The following DNAH17 variants were observed in gnomAD, a reference collection of about 807,000 sequenced individuals.
DNAH17 encodes dynein axonemal heavy chain 17.
Under a neutral mutation model 485.6 loss-of-function variants are expected in DNAH17, and 376 were observed. The ratio of observed to expected loss-of-function variants is 0.77; its 90% CI spans 0.71 to 0.84. DNAH17 has a LOEUF of 0.84. DNAH17 is among the 40% of genes least tolerant of loss of function. The pLI, the probability that DNAH17 is intolerant of heterozygous loss-of-function variation, is 0.00. For missense variants in DNAH17, 6,370 were observed against 5,839.3 expected (o/e 1.09, Z -2.96); for synonymous variants, 3,031 against 2,405.9 (o/e 1.26, Z -7.60).
chr17:78,577,111 C>T (rs1440415590), intron 1 of DNAH17, among the ~76,000 whole-genome samples, 184 bp downstream of exon 1: 2 of 152,198 alleles, frequency 1.3e-5, no homozygotes, highest in South Asian at 2.1e-4. Flanking sequence ...CAGGCTGGTA[C>T]GTGGCAGCCA....
intron 58 of DNAH17, among the ~76,000 whole-genome samples, chr17:78,461,014 A>AGG (rs919115526): frequency 1.1e-4 from 16 of 152,112 alleles, no homozygotes; most frequent in African/African-American, 3.4e-4. Flanking sequence ...TGTAACCTTC[A>AGG]GGCTCCAAAG....
chr17:78,427,178 G>A (rs1358655834), intron 77 of DNAH17, 70 bp from the exon 78 acceptor site: 1 of 1,489,910 alleles, frequency 6.7e-7, no homozygotes, highest in Admixed American at 2.0e-5. Flanking sequence ...GGGTCAGGGA[G>A]CCTGCCCAAA....
At chr17:78,527,361 G>C (rs902850344) in intron 22 of DNAH17, among the ~76,000 whole-genome samples, 36 of 152,132 alleles carry the variant, frequency 2.4e-4, no homozygotes, top group African/African-American at 7.7e-4. Flanking sequence ...ACTCCAGCCT[G>C]GGTGACAGAG....
chr17:78,471,908 G>A (rs902528176), intron 54 of DNAH17, among the ~76,000 whole-genome samples: 18 of 152,148 alleles, frequency 1.2e-4, no homozygotes, highest in East Asian at 1.2e-3. Context: ...TGCGATGGCC[G>A]CCTCATCCCC....
Position 78,500,094 on chromosome 17 carries a change from G to A in DNAH17, c.5640+211C>T, listed in dbSNP as rs576339197. 5.5e-5 allele frequency: 30 copies of A among 548,964 alleles called. No individual in the cohort carries two copies. In the South Asian group the frequency reaches 6.9e-4, roughly 13 times the overall value. The allele number at this position is 548,964 out of a possible 1,614,324, so 34.0% of individuals were successfully genotyped here. ...GGCAGGGGCTGGGGCAGGACATTTGGGGCTGCGTCTGTCCACCCTGGAAGT... is the reference window on the plus strand; with the variant it reads ...GGCAGGGGCTGGGGCAGGACATTTGAGGCTGCGTCTGTCCACCCTGGAAGT... On this transcript the variant is annotated intron_variant, in intron 36 of 80. Coordinates refer to ENST00000389840, the MANE Select transcript of DNAH17 (RefSeq NM_173628.4).
chr17:78,544,250 G>A (rs558271794), intron 16 of DNAH17, among the ~76,000 whole-genome samples: 24 of 152,342 alleles, frequency 1.6e-4, no homozygotes, highest in Admixed American at 1.4e-3. Context: ...AGACCATTGA[G>A]ATGTTTCACT....
At chr17:78,435,581 C>T (rs903703230) in intron 74 of DNAH17, among the ~76,000 whole-genome samples, 2 of 152,180 alleles carry the variant, frequency 1.3e-5, no homozygotes, top group Admixed American at 6.5e-5. Flanking sequence ...CTCAGTGCCC[C>T]GATCCCTGTC....
At chr17:78,501,157 T>C (rs368303446) in intron 35 of DNAH17, 27 bp downstream of exon 35, 2 of 1,550,276 alleles carry the variant, frequency 1.3e-6, no homozygotes, top group Non-Finnish European at 8.8e-7. Context: ...CAAGAGCACA[T>C]GTGAGTTACT....
rs886844536 is a variant in DNAH17, at chr17:78,500,918, G to C, written c.5483+266C>G. The C allele has an allele frequency of 1.8e-5, 6 of 332,556 alleles. No homozygotes were observed. The South Asian group carries it at 4.1e-4, about 23-fold the overall frequency. 20.6% of individuals were successfully genotyped at this position (332,556 alleles called of 1,614,324 possible). A position where few individuals can be genotyped will look rare whatever the true frequency, so the allele number is the denominator to read the frequency against. On this transcript the variant is annotated intron_variant, in intron 35 of 80. Coordinates refer to ENST00000389840, the MANE Select transcript of DNAH17 (RefSeq NM_173628.4). Reference sequence around the variant, plus strand: ...CATTCAGGGAGGTGGGCACTGCTACGACAACCAGAGTCTGCTCATGAGGGT... The same window carrying C: ...CATTCAGGGAGGTGGGCACTGCTACCACAACCAGAGTCTGCTCATGAGGGT...
At chr17:78,438,826 G>A (rs1210601805) in intron 73 of DNAH17, among the ~76,000 whole-genome samples, 1 of 152,034 alleles carries the variant, frequency 6.6e-6, no homozygotes, top group Non-Finnish European at 1.5e-5. Flanking sequence ...TCTCTGTTTG[G>A]GGTACTCTCG....
Position 78,438,646 on chromosome 17 carries a change from G to A in DNAH17, c.11805+444C>T, listed in dbSNP as rs577801793. On this transcript the variant is annotated intron_variant, in intron 73 of 80. Transcript: ENST00000389840. ...CCCAAGTAGTTGAGGTTACAGGCAT[G>A]TGCCAGCACACTTGGCTAATTTTTG... Among the ~76,000 whole-genome samples, 66 of 151,252 alleles carry A rather than the reference G, an allele frequency of 4.4e-4. No individual in the cohort carries two copies. In the South Asian group the frequency reaches 0.014, roughly 31 times the overall value.
At position 78,485,655 on chromosome 17, in the gene DNAH17, C is replaced by T. The variant is rs1159615129; in HGVS notation, c.7378G>A (p.Gly2460Ser). The T allele has an allele frequency of 6.2e-7, 1 of 1,613,884 alleles. No homozygotes were observed. The highest frequency in any genetic ancestry group is 1.3e-5 in the African/African-American group (1 of 74,926). ...TTGTCCCCCATCAGCACCGACTTGC[C>T]CGTCCCCGCGTTCCCCACCAGCATC... is the stretch of plus-strand genomic sequence containing the variant. The part of the protein sequence containing the change: ...PVMLVGNAGT[G>S]KSVLMGDKLE... Residue 2460 changes from glycine to serine, a missense_variant, in exon 47 of 81, where the codon GGC (glycine) becomes AGC (serine). Physicochemically the swap from Gly to Ser is moderately conservative, Grantham distance 56. Transcript: ENST00000389840.
rs1260386868 is a variant in DNAH17 at position 78,575,211 on chromosome 17, G to C, written c.-25-129C>G. On this transcript the variant is annotated intron_variant, in intron 1 of 80. Transcript: ENST00000389840. Reference sequence around the variant, plus strand: ...CAAAACAGTTGGTCGAGAGTGTGCAGTTTTTAGCTGTGGTTGGGTTGGGGT... The same window carrying C: ...CAAAACAGTTGGTCGAGAGTGTGCACTTTTTAGCTGTGGTTGGGTTGGGGT... 13 of 712,232 alleles carry C rather than the reference G, an allele frequency of 1.8e-5. 1 individual carries two copies. The highest frequency in any genetic ancestry group is 1.8e-4 in the African/African-American group (10 of 55,676). 44.1% of individuals were successfully genotyped at this position (712,232 alleles called of 1,614,324 possible).
intron 10 of DNAH17, 107 bp downstream of exon 10, chr17:78,566,892 T>C (rs2143695093): frequency 2.1e-6 from 3 of 1,398,516 alleles, no homozygotes; most frequent in Non-Finnish European, 2.9e-6. Context: ...TGGGATCACC[T>C]GGCACCTGCT....
chr17:78,567,762 G>A (rs62075942), intron 9 of DNAH17, among the ~76,000 whole-genome samples: 24 of 152,074 alleles, frequency 1.6e-4, no homozygotes, highest in Non-Finnish European at 2.8e-4. Context: ...CCTTCCCAGG[G>A]GCCCGGTCTC....
Position 78,525,101 on chromosome 17 carries a change from G to T in DNAH17, c.3772C>A (p.Leu1258Met). The change falls in exon 25 of 81, where the codon CTG (leucine) becomes ATG (methionine). Residue 1258 changes from leucine (L) to methionine (M), a missense_variant. Leu to Met is a conservative substitution (Grantham distance 15). Coordinates refer to ENST00000389840, the MANE Select transcript of DNAH17 (RefSeq NM_173628.4). ...IMEALSKSGG[L>M]FEVPVPDYKQ... is the part of the protein sequence containing the mutation. ...TAGTCTGGGACGGGGACCTCGAACAGGCCCCCGGACTTGGACAGCGCCTCC... is the reference window on the plus strand; with the variant it reads ...TAGTCTGGGACGGGGACCTCGAACATGCCCCCGGACTTGGACAGCGCCTCC... The T allele has an allele frequency of 1.2e-6, 2 of 1,613,836 alleles. No homozygotes were observed. Among genetic ancestry groups the T allele is most frequent in the Admixed American group, 3.3e-5 (2 of 60,026 alleles).
At chr17:78,534,115 C>A (rs554512785) in intron 19 of DNAH17, among the ~76,000 whole-genome samples, 1 of 152,264 alleles carries the variant, frequency 6.6e-6, no homozygotes, top group Non-Finnish European at 1.5e-5. Flanking sequence ...GCAAACCAGC[C>A]GACCCTCAAC....
At chr17:78,570,509 C>CCCT in intron 6 of DNAH17, 137 bp from the exon 7 acceptor site, 4 of 1,152,480 alleles carry the variant, frequency 3.5e-6, no homozygotes, top group Non-Finnish European at 4.7e-6. Context: ...GAGGCAACTC[C>CCCT]CTAGGCCCAC....
At chr17:78,439,607 G>A (rs2086987497) in intron 72 of DNAH17, among the ~76,000 whole-genome samples, 1 of 150,270 alleles carries the variant, frequency 6.7e-6, no homozygotes, top group African/African-American at 2.5e-5. Flanking sequence ...TCTGGCTTCT[G>A]TCACTGAGCA....
Sources: gnomAD v4.1 joint callset for allele counts (sites outside exome capture counted in the v4.1 genomes callset) on GRCh38, gnomAD v4.1.1 for gene constraint, MANE v1.5 for transcripts, NCBI Gene and HGNC (gene_info 2026-07-23, HGNC 2026-07-21) for gene names.